The following ACSS1 variants were observed in gnomAD, a reference collection of about 807,000 sequenced individuals.
ACSS1 encodes the protein acyl-CoA synthetase short chain family member 1.
Under a neutral mutation model 75.3 loss-of-function variants are expected in ACSS1, and 42 were observed. The observed-to-expected ratio is 0.56, with a 90% CI of 0.44 to 0.72. ACSS1 has a LOEUF of 0.72. ACSS1 is among the 30% of genes least tolerant of loss of function. The pLI is 0.00. For synonymous variants in ACSS1, 380 were observed against 376.8 expected (o/e 1.01, Z -0.10); for missense variants, 782 against 935.7 (o/e 0.84, Z 2.14).
At chr20:25,023,352 A>C in intron 4 of ACSS1, 114 bp downstream of exon 4, 1 of 1,304,186 alleles carries the variant, frequency 7.7e-7, no homozygotes, top group Non-Finnish European at 1.1e-6. Flanking sequence ...AATACCACAG[A>C]GGAACCCTGG....
At chr20:25,021,085 G>C (rs2088615365) in intron 6 of ACSS1, among the ~76,000 whole-genome samples, 1 of 152,238 alleles carries the variant, frequency 6.6e-6, no homozygotes, top group African/African-American at 2.4e-5. Context: ...AAGCAGCCTA[G>C]AGGTGAGAAG....
intron 3 of ACSS1, 118 bp downstream of exon 3, chr20:25,030,641 A>G (rs2088805053): frequency 8.4e-7 from 1 of 1,193,890 alleles, no homozygotes; most frequent in Non-Finnish European, 1.2e-6. Flanking sequence ...ACGATCTGTC[A>G]TTTGTCTGTG....
chr20:25,053,954 T>C (rs1375932957), intron 1 of ACSS1, among the ~76,000 whole-genome samples: 2 of 152,374 alleles, frequency 1.3e-5, no homozygotes, highest in East Asian at 3.9e-4. Context: ...CTTGAGTTGA[T>C]ATGCCACAGG....
At chr20:25,054,855 A>G (rs2089221774) in intron 1 of ACSS1, among the ~76,000 whole-genome samples, 1 of 152,246 alleles carries the variant, frequency 6.6e-6, no homozygotes, top group African/African-American at 2.4e-5. Flanking sequence ...CCAAATGGAA[A>G]CTAAGTTGTT....
At chr20:25,020,352 A>G (rs1011958541) in intron 6 of ACSS1, among the ~76,000 whole-genome samples, 1 of 133,030 alleles carries the variant, frequency 7.5e-6, no homozygotes, top group Non-Finnish European at 1.6e-5. Flanking sequence ...GCTCTCCTCC[A>G]AGCACTCCCC....
At chr20:25,040,827 G>T (rs957755319) in intron 2 of ACSS1, among the ~76,000 whole-genome samples, 1 of 152,120 alleles carries the variant, frequency 6.6e-6, no homozygotes, top group African/African-American at 2.4e-5. Context: ...AAGCTGCCCA[G>T]ATGCCCCACC....
chr20:25,022,936 G>C lies in ACSS1; in HGVS notation c.960+4C>G, dbSNP rs1415024807. On this transcript the variant is annotated splice_donor_region_variant and intron_variant, in intron 5 of 13. Transcript: ENST00000323482. ...GGCCCAGCACCGCCCGCACAGGCCT[G>C]TACCTTGTGAGTCAGGGCGGCATAG... is the stretch of plus-strand genomic sequence containing the variant. The C allele has an allele frequency of 6.2e-7, 1 of 1,611,296 alleles. No individual in the cohort carries two copies. Among genetic ancestry groups the C allele is most frequent in the Non-Finnish European group, 8.5e-7 (1 of 1,179,200 alleles).
intron 1 of ACSS1, among the ~76,000 whole-genome samples, chr20:25,054,423 A>G (rs1489279225): frequency 6.6e-6 from 1 of 152,244 alleles, no homozygotes; most frequent in East Asian, 1.9e-4. Flanking sequence ...AGTGCCTTAC[A>G]AGCATTTCCT....
At chr20:25,009,797 G>GGT (rs2088373975) in intron 12 of ACSS1, 1 of 175,804 alleles carries the variant, frequency 5.7e-6, no homozygotes, top group African/African-American at 2.4e-5. Flanking sequence ...AGCCTTTGGG[G>GGT]GTGTGTGTGC....
intron 1 of ACSS1, among the ~76,000 whole-genome samples, chr20:25,055,705 G>A (rs889848726): frequency 6.6e-6 from 1 of 152,210 alleles, no homozygotes; most frequent in African/African-American, 2.4e-5. Context: ...TGAAGACCAT[G>A]CGTTGAGAAC....
At chr20:25,031,279 C>T (rs1333300186) in intron 2 of ACSS1, 2 of 402,346 alleles carry the variant, frequency 5.0e-6, no homozygotes, top group African/African-American at 4.1e-5. Context: ...GAATCAATTC[C>T]ATCTTAAAAC....
intron 2 of ACSS1, among the ~76,000 whole-genome samples, chr20:25,043,009 G>A (rs2089028173): frequency 1.3e-5 from 2 of 152,274 alleles, no homozygotes; most frequent in South Asian, 4.1e-4. Context: ...TCCACAGCCA[G>A]GGTCAGGCTG....
chr20:25,041,038 C>T (rs1001808804), intron 2 of ACSS1, among the ~76,000 whole-genome samples: 5 of 152,138 alleles, frequency 3.3e-5, no homozygotes, highest in East Asian at 1.9e-4. Context: ...GCGGGTGGAT[C>T]ACGAAGTCAG....
At chr20:25,019,308 C>T (rs1197026739) in intron 7 of ACSS1, among the ~76,000 whole-genome samples, 4 of 152,220 alleles carry the variant, frequency 2.6e-5, no homozygotes, top group Non-Finnish European at 4.4e-5. Flanking sequence ...CTGATACTGT[C>T]GAAACCATGC....
chr20:25,053,010 C>A (rs971683978), intron 1 of ACSS1, among the ~76,000 whole-genome samples: 4 of 151,992 alleles, frequency 2.6e-5, no homozygotes, highest in African/African-American at 9.7e-5. Flanking sequence ...GAAAGTGGAA[C>A]CCAGCATACA....
In ACSS1 at chr20:25,048,071, C is replaced by A. The variant is rs200523724; in HGVS notation, c.431+14G>T. ...GCGCCTCCCTCGCACCTTGAACATT[C>A]GAGGGCACAGTACCTGTAGGTGATC... On this transcript the variant is annotated intron_variant, in intron 2 of 13. Coordinates refer to ENST00000323482, the MANE Select transcript of ACSS1 (RefSeq NM_032501.4). 851 of 1,612,708 alleles carry A rather than the reference C, an allele frequency of 5.3e-4. 7 individuals carry two copies. The highest frequency in any genetic ancestry group is 1.9e-5 in the Non-Finnish European group (22 of 1,179,306).
At chr20:25,013,745 G>A (rs896890172) in intron 9 of ACSS1, 83 bp from the exon 10 acceptor site, 31 of 1,519,640 alleles carry the variant, frequency 2.0e-5, no homozygotes, top group Non-Finnish European at 2.6e-5. Context: ...TGCCCTCAAG[G>A]GAGCTGTCCA....
rs6115003 is a variant in ACSS1, at chr20:25,020,098, G to A, written c.1158C>T (p.Gly386=). ...VERLKINQFY[G]APTAVRLLLK... ...GCAACAGCCGGACAGCCGTTGGGGC[G>A]CCATAGAACTGATTGATCTTCAACC... Residue 386 remains glycine, a synonymous_variant, in exon 7 of 14, where the codon GGC becomes GGT. Transcript: ENST00000323482. 169,845 of 1,614,062 alleles carry A rather than the reference G, an allele frequency of 0.11. 10,023 individuals are homozygous for A. The highest frequency in any genetic ancestry group is 0.21 in the African/African-American group (16,080 of 74,992).
intron 2 of ACSS1, among the ~76,000 whole-genome samples, chr20:25,041,990 G>A (rs189617876): frequency 2.0e-5 from 3 of 152,298 alleles, no homozygotes; most frequent in South Asian, 2.1e-4. Context: ...CTAACAGTGG[G>A]TTGTGGAGCC....
Sources: allele counts gnomAD v4.1 joint callset (sites outside exome capture counted in the v4.1 genomes callset), GRCh38; gene constraint gnomAD v4.1.1; transcripts MANE v1.5; gene names NCBI Gene and HGNC (gene_info 2026-07-23, HGNC 2026-07-21).